COL25A1: variants seen among roughly 807,000 people sequenced by gnomAD.
COL25A1 encodes collagen type XXV alpha 1 chain.
In COL25A1, 103 loss-of-function variants were observed where a neutral mutation model predicts 128.4. That is an observed-to-expected ratio of 0.80 (90% CI 0.68 to 0.94). COL25A1 has a LOEUF of 0.94. Ranked by LOEUF, COL25A1 falls within the 40% of genes least tolerant of loss-of-function variation. The pLI, the probability that COL25A1 is intolerant of heterozygous loss-of-function variation, is 0.00. For missense variants in COL25A1, 745 were observed against 840.0 expected, an observed-to-expected ratio of 0.89 and a Z score of 1.40; for synonymous variants, 279 against 277.2, an observed-to-expected ratio of 1.01 and a Z score of -0.06.
chr4:109,062,922 A>G (rs562827742), intron 3 of COL25A1, among the ~76,000 whole-genome samples: 1 of 152,372 alleles, frequency 6.6e-6, no homozygotes, highest in South Asian at 2.1e-4. Context: ...TGAGATAAAA[A>G]TGGACATAAC....
intron 5 of COL25A1, among the ~76,000 whole-genome samples, chr4:109,038,934 C>T (rs1323606939): frequency 6.6e-6 from 1 of 152,134 alleles, no homozygotes; most frequent in Non-Finnish European, 1.5e-5. Flanking sequence ...AACCCCTACC[C>T]AAGTCTGCTC....
intron 3 of COL25A1, among the ~76,000 whole-genome samples, chr4:109,111,087 C>T (rs1766958564): frequency 6.6e-6 from 1 of 152,178 alleles, no homozygotes; most frequent in Non-Finnish European, 1.5e-5. Context: ...GCCACTGTTC[C>T]AGATTTTTCT....
intron 3 of COL25A1, among the ~76,000 whole-genome samples, chr4:109,136,169 G>A (rs1184495518): frequency 1.3e-5 from 2 of 152,060 alleles, no homozygotes; most frequent in Non-Finnish European, 2.9e-5. Context: ...AAGCCAAGGC[G>A]GGTGGATCAC....
intron 3 of COL25A1, among the ~76,000 whole-genome samples, chr4:109,138,214 C>T (rs1364001939): frequency 6.6e-6 from 1 of 152,122 alleles, no homozygotes. Context: ...TCAACTCCCA[C>T]TTATGAATGA....
intron 5 of COL25A1, among the ~76,000 whole-genome samples, chr4:109,035,899 TTTTTA>T (rs138498827): frequency 0.056 from 8,428 of 151,778 alleles, 245 homozygotes; most frequent in East Asian, 0.091. Flanking sequence ...AAACTAAAGA[TTTTTA>T]TTTTATTTTA....
chr4:109,129,635 T>C (rs1490075654), intron 3 of COL25A1, among the ~76,000 whole-genome samples: 1 of 152,242 alleles, frequency 6.6e-6, no homozygotes, highest in African/African-American at 2.4e-5. Flanking sequence ...TATGGTGTGA[T>C]AAAACTGAAA....
At chr4:108,818,009 C>T (rs1216450016) in intron 36 of COL25A1, among the ~76,000 whole-genome samples, 1 of 152,090 alleles carries the variant, frequency 6.6e-6, no homozygotes, top group Non-Finnish European at 1.5e-5. Context: ...AAAATATTAT[C>T]TACAGCATTT....
intron 3 of COL25A1, among the ~76,000 whole-genome samples, chr4:109,192,965 C>T (rs1284568220): frequency 1.3e-5 from 2 of 152,026 alleles, no homozygotes; most frequent in Admixed American, 6.6e-5. Context: ...AAAAAGATAT[C>T]AGAAGAAACC....
intron 3 of COL25A1, among the ~76,000 whole-genome samples, chr4:109,081,305 C>T (rs1254097433): frequency 1.3e-5 from 2 of 151,998 alleles, no homozygotes; most frequent in East Asian, 3.9e-4. Context: ...GAAAAAAGGG[C>T]AAGGGATATA....
intron 8 of COL25A1, among the ~76,000 whole-genome samples, chr4:108,974,055 C>T (rs1752184253): frequency 6.6e-6 from 1 of 152,154 alleles, no homozygotes; most frequent in Admixed American, 6.5e-5. Context: ...TGAAACAATT[C>T]ATGCAAATCT....
chr4:109,079,250 G>A (rs1469410700), intron 3 of COL25A1, among the ~76,000 whole-genome samples: 1 of 152,148 alleles, frequency 6.6e-6, no homozygotes, highest in East Asian at 1.9e-4. Context: ...TGTTTTCAGT[G>A]TCCAGACAGA....
At chr4:108,987,366 CT>C (rs761478987) in intron 6 of COL25A1, among the ~76,000 whole-genome samples, 1 of 123,084 alleles carries the variant, frequency 8.1e-6, no homozygotes, top group African/African-American at 2.7e-5. Context: ...GCATACCTTT[CT>C]TTTTTTTTCT....
intron 35 of COL25A1, among the ~76,000 whole-genome samples, chr4:108,823,376 A>G (rs1453342437): frequency 1.3e-5 from 2 of 152,082 alleles, no homozygotes; most frequent in African/African-American, 4.8e-5. Context: ...TGGTAGGGGA[A>G]GACAGAGATA....
At position 108,852,914 on chromosome 4, in the gene COL25A1, G is replaced by T. The variant is rs771849206; in HGVS notation, c.1332C>A (p.Thr444=). Residue 444 remains threonine (T), a synonymous_variant, in exon 25 of 38, where the codon ACC becomes ACA. Coordinates refer to ENST00000399132, the MANE Select transcript of COL25A1 (RefSeq NM_198721.4). ...CAATAGGAGTTACCGTGACAGTTAA[G>T]GTGGTAATCCTCTGTTGGGAAAATG... ...NLHEALQRIT[T]LTVTGPPGPP... 1.2e-6 allele frequency: 2 copies of T among 1,611,076 alleles called. No homozygotes were observed. The highest frequency in any genetic ancestry group is 8.5e-7 in the Non-Finnish European group (1 of 1,178,644).
chr4:109,094,102 TAA>T (rs1046375937), intron 3 of COL25A1, among the ~76,000 whole-genome samples: 8 of 152,356 alleles, frequency 5.3e-5, no homozygotes, highest in Admixed American at 1.3e-4. Flanking sequence ...GAATAAATGA[TAA>T]GTTTGTCTTC....
rs112092170 is a variant in COL25A1 at position 109,200,560 on chromosome 4, T to C, written c.367+100023A>G. Among the ~76,000 whole-genome samples the C allele has an allele frequency of 0.011, 1,629 of 152,244 alleles. 59 individuals are homozygous for C. In the South Asian group the frequency reaches 0.14, roughly 13 times the overall value. On this transcript the variant is annotated intron_variant, in intron 3 of 37. Transcript: ENST00000399132. ...GCAACCTCCGCCTCCTGGGTTCAAG[T>C]GATTCTCCTGCCTCAGCCTAGCTGG...
At chr4:108,846,707 A>G (rs1560739582) in intron 27 of COL25A1, among the ~76,000 whole-genome samples, 1 of 152,222 alleles carries the variant, frequency 6.6e-6, no homozygotes, top group East Asian at 1.9e-4. Context: ...TCCAGTCTAC[A>G]GACTGATAAA....
chr4:109,199,575 T>A (rs929269526), intron 3 of COL25A1, among the ~76,000 whole-genome samples: 1 of 152,226 alleles, frequency 6.6e-6, no homozygotes, highest in Non-Finnish European at 1.5e-5. Flanking sequence ...AATGCCTTTT[T>A]ATAGAAATGA....
chr4:109,037,836 G>A (rs550342099), intron 5 of COL25A1, among the ~76,000 whole-genome samples: 1 of 152,178 alleles, frequency 6.6e-6, no homozygotes, highest in South Asian at 2.1e-4. Context: ...CTATGTGAAC[G>A]GGCTTTTGAT....
Sources: gnomAD v4.1 joint callset for allele counts (sites outside exome capture counted in the v4.1 genomes callset) on GRCh38, gnomAD v4.1.1 for gene constraint, MANE v1.5 for transcripts, NCBI Gene and HGNC (gene_info 2026-07-23, HGNC 2026-07-21) for gene names.